The following ZNF385D variants were observed in gnomAD, a reference collection of about 807,000 sequenced individuals.
The protein encoded by ZNF385D is zinc finger protein 385D.
A neutral mutation model predicts 35.8 loss-of-function variants in ZNF385D; 15 were observed. That is an observed-to-expected ratio of 0.42 (90% CI 0.28 to 0.64). The LOEUF is 0.64. Ranked by LOEUF, ZNF385D falls within the 30% of genes least tolerant of loss-of-function variation. The pLI, the probability that ZNF385D is intolerant of heterozygous loss-of-function variation, is 0.23. For synonymous variants in ZNF385D, 212 were observed against 186.8 expected (o/e 1.13, Z -1.10); for missense variants, 474 against 494.6 (o/e 0.96, Z 0.39).
At chr3:21,584,702 A>T (rs2063761374) in intron 2 of ZNF385D, among the ~76,000 whole-genome samples, 1 of 151,638 alleles carries the variant, frequency 6.6e-6, no homozygotes, top group South Asian at 2.1e-4. Flanking sequence ...ATGTGTTTTT[A>T]TCTTGATGTA....
At chr3:21,781,985 A>G (rs2071507915) in intron 3 of ZNF385D, among the ~76,000 whole-genome samples, 1 of 152,046 alleles carries the variant, frequency 6.6e-6, no homozygotes, top group Non-Finnish European at 1.5e-5. Flanking sequence ...ATCAAACAGC[A>G]CTTCACTTTC....
chr3:22,316,395 T>C (rs1189980846), intron 2 of ZNF385D, among the ~76,000 whole-genome samples: 1 of 152,180 alleles, frequency 6.6e-6, no homozygotes, highest in Non-Finnish European at 1.5e-5. Context: ...ATAAAGTAGG[T>C]CTTTCTTTAA....
chr3:21,726,881 A>C (rs553114732), intron 1 of ZNF385D, among the ~76,000 whole-genome samples: 1 of 152,340 alleles, frequency 6.6e-6, no homozygotes, highest in East Asian at 1.9e-4. Flanking sequence ...CTAAGCAAAA[A>C]GAACAAAGCT....
chr3:21,780,317 T>C (rs2071440214), intron 3 of ZNF385D, among the ~76,000 whole-genome samples: 1 of 151,980 alleles, frequency 6.6e-6, no homozygotes, highest in Admixed American at 6.6e-5. Context: ...AAGTGAATAC[T>C]AGATGTAGGG....
At chr3:21,737,009 G>T (rs186986155) in intron 1 of ZNF385D, among the ~76,000 whole-genome samples, 2 of 152,138 alleles carry the variant, frequency 1.3e-5, no homozygotes, top group Non-Finnish European at 2.9e-5. Context: ...GCACAATCTC[G>T]GCTCACTGCA....
At chr3:22,154,275 A>G (rs1323675610) in intron 3 of ZNF385D, among the ~76,000 whole-genome samples, 1 of 152,112 alleles carries the variant, frequency 6.6e-6, no homozygotes, top group Non-Finnish European at 1.5e-5. Context: ...TTCCTGGCTA[A>G]CCTCATCCTG....
At chr3:21,923,038 C>A (rs1309213288) in intron 3 of ZNF385D, among the ~76,000 whole-genome samples, 1 of 102,534 alleles carries the variant, frequency 9.8e-6, no homozygotes. Flanking sequence ...AAATGCTTCA[C>A]ATTTTTTTAT....
At chr3:22,233,710 G>C (rs536771170) in intron 2 of ZNF385D, among the ~76,000 whole-genome samples, 82 of 152,086 alleles carry the variant, frequency 5.4e-4, no homozygotes, top group Non-Finnish European at 9.6e-4. Context: ...TATAGTCCTG[G>C]TAGGCTCTAC....
intron 2 of ZNF385D, among the ~76,000 whole-genome samples, chr3:22,260,209 G>A (rs78595954): frequency 0.027 from 4,043 of 151,996 alleles, 73 homozygotes; most frequent in Non-Finnish European, 0.038. Flanking sequence ...AGAAATGGAA[G>A]CCTTCATTCT....
rs142318345 is a variant in ZNF385D, at chr3:21,431,882, T to C, written c.673+5088A>G. ...GAGCTTTTCACATGAAGCAAGTATG[T>C]ATTTCACTTCTGAACACAGAGTCAC... On this transcript the variant is annotated intron_variant, in intron 5 of 7. Coordinates refer to ENST00000281523, the MANE Select transcript of ZNF385D (RefSeq NM_024697.3). 7.9e-5 allele frequency among the ~76,000 whole-genome samples: 12 copies of C among 152,276 alleles called. No individual in the cohort carries two copies. The East Asian group carries it at 2.1e-3, about 27-fold the overall frequency.
intron 2 of ZNF385D, among the ~76,000 whole-genome samples, chr3:22,223,614 GT>G (rs1698388408): frequency 6.6e-6 from 1 of 152,038 alleles, no homozygotes; most frequent in African/African-American, 2.4e-5. Flanking sequence ...AATAAATAGT[GT>G]TAATTAAAAG....
chr3:22,105,325 C>T (rs1228915314), intron 3 of ZNF385D, among the ~76,000 whole-genome samples: 1 of 149,518 alleles, frequency 6.7e-6, no homozygotes, highest in Admixed American at 6.7e-5. Flanking sequence ...TTTCAGAGAT[C>T]AGTTGTATTA....
At chr3:22,004,818 G>C (rs983021968) in intron 3 of ZNF385D, among the ~76,000 whole-genome samples, 2 of 151,964 alleles carry the variant, frequency 1.3e-5, no homozygotes, top group African/African-American at 4.8e-5. Flanking sequence ...GCTTTAAATT[G>C]TCCCACCTTT....
rs552404301 is a variant in ZNF385D, at chr3:21,712,707, T to A, written c.22+38188A>T. 3.3e-5 allele frequency among the ~76,000 whole-genome samples: 5 copies of A among 152,310 alleles called. No individual in the cohort carries two copies. In the South Asian group the frequency reaches 6.2e-4, roughly 19 times the overall value. On this transcript the variant is annotated intron_variant, in intron 1 of 7. Coordinates refer to ENST00000281523, the MANE Select transcript of ZNF385D (RefSeq NM_024697.3). ...CCCAGTTTGCAAATATATATGCACT[T>A]GAAAACGGGTTTTTACTATTGTCTG...
chr3:22,081,731 A>T (rs1700759268), intron 3 of ZNF385D, among the ~76,000 whole-genome samples: 1 of 152,204 alleles, frequency 6.6e-6, no homozygotes, highest in South Asian at 2.1e-4. Context: ...ATGGCAGAGT[A>T]GTTATGACAA....
At chr3:21,608,019 TTTTG>T (rs1318983475) in intron 2 of ZNF385D, among the ~76,000 whole-genome samples, 2 of 142,990 alleles carry the variant, frequency 1.4e-5, no homozygotes, top group African/African-American at 5.3e-5. Context: ...CTTCTTTTTT[TTTTG>T]TTTTTTTTTT....
At chr3:21,577,363 G>T (rs1295872781) in intron 2 of ZNF385D, among the ~76,000 whole-genome samples, 2 of 152,126 alleles carry the variant, frequency 1.3e-5, no homozygotes, top group African/African-American at 4.8e-5. Context: ...GGCTGAATAG[G>T]ATTCCATTAT....
At chr3:21,471,236 T>A (rs1703863464) in intron 4 of ZNF385D, among the ~76,000 whole-genome samples, 1 of 148,432 alleles carries the variant, frequency 6.7e-6, no homozygotes, top group African/African-American at 2.5e-5. Context: ...TGAACCATAT[T>A]TCCCTCCCTC....
chr3:21,951,490 C>T (rs1293842895), intron 3 of ZNF385D, among the ~76,000 whole-genome samples: 1 of 151,730 alleles, frequency 6.6e-6, no homozygotes, highest in African/African-American at 2.4e-5. Flanking sequence ...ATCATGTCAT[C>T]TGCAAACACA....
Sources: allele counts gnomAD v4.1 joint callset (sites outside exome capture counted in the v4.1 genomes callset), GRCh38; gene constraint gnomAD v4.1.1; transcripts MANE v1.5; gene names NCBI Gene and HGNC (gene_info 2026-07-23, HGNC 2026-07-21).